Variants in SLC28A3 observed in about 807,000 individuals in gnomAD.
SLC28A3 encodes concentrative Na(+)-nucleoside cotransporter 3.
A neutral mutation model predicts 84.2 loss-of-function variants in SLC28A3; 68 were observed. That is an observed-to-expected ratio of 0.81 (90% CI 0.66 to 0.99). SLC28A3 has a LOEUF of 0.99. Among genes scored for constraint, SLC28A3 ranks in the 50% least tolerant of loss-of-function variants. The probability of loss-of-function intolerance (pLI) is 0.00; values close to 1 mark genes in which losing one functional copy is unlikely to be tolerated. For missense variants in SLC28A3, 712 were observed against 841.5 expected (o/e 0.85, Z 1.90); for synonymous variants, 267 against 303.6 (o/e 0.88, Z 1.25).
At chr9:84,319,200 C>T (rs550237005) in intron 1 of SLC28A3, among the ~76,000 whole-genome samples, 12 of 152,238 alleles carry the variant, frequency 7.9e-5, no homozygotes, top group South Asian at 2.1e-4. Context: ...TAGTTTATTA[C>T]TCACTGAAAT....
At chr9:84,331,776 T>A (rs1369476116) in intron 1 of SLC28A3, among the ~76,000 whole-genome samples, 2 of 152,176 alleles carry the variant, frequency 1.3e-5, no homozygotes, top group African/African-American at 2.4e-5. Flanking sequence ...TTAAAAAACA[T>A]TCCTGCATTT....
At chr9:84,299,503 C>T (rs956462113) in intron 6 of SLC28A3, 78 bp downstream of exon 6, 39 of 1,563,518 alleles carry the variant, frequency 2.5e-5, no homozygotes, top group Non-Finnish European at 3.2e-5. Flanking sequence ...GTTAAATTCT[C>T]TCACAATCAG....
At chr9:84,290,978 TC>T (rs1825196655) in intron 10 of SLC28A3, among the ~76,000 whole-genome samples, 1 of 152,184 alleles carries the variant, frequency 6.6e-6, no homozygotes, top group African/African-American at 2.4e-5. Flanking sequence ...AAGGCTTGAA[TC>T]CCATTAAGGA....
At chr9:84,286,196 C>G in intron 12 of SLC28A3, 85 bp from the exon 13 acceptor site, 1 of 1,353,800 alleles carries the variant, frequency 7.4e-7, no homozygotes, top group Non-Finnish European at 1.0e-6. Context: ...ATAATCAGAG[C>G]TTAGATAAGA....
Position 84,297,341 on chromosome 9 carries a change from A to T in SLC28A3, c.784-43T>A, listed in dbSNP as rs754233026. 5.3e-6 allele frequency: 8 copies of T among 1,500,958 alleles called. No individual in the cohort carries two copies. The South Asian group carries it at 8.1e-5, about 15-fold the overall frequency. The allele number at this position is 1,500,958 out of a possible 1,614,324, so 93.0% of individuals were successfully genotyped here. A position where few individuals can be genotyped will look rare whatever the true frequency, so the allele number is the denominator to read the frequency against. On this transcript the variant is annotated intron_variant, in intron 7 of 17. Coordinates refer to ENST00000376238, the MANE Select transcript of SLC28A3 (RefSeq NM_001199633.2). ...AAAGAGATTTCATTCCAACCACATG[A>T]CTGGAAATTAGACAGTGCACAGGAA...
chr9:84,354,922 TA>T, the SLC28A3 span, among the ~76,000 whole-genome samples: 1 of 150,242 alleles, frequency 6.7e-6, no homozygotes, highest in Admixed American at 6.6e-5. Context: ...AGGGAGAAAA[TA>T]AGCATTTATA....
At chr9:84,310,128 A>C (rs1240066614) in intron 2 of SLC28A3, among the ~76,000 whole-genome samples, 1 of 152,162 alleles carries the variant, frequency 6.6e-6, no homozygotes, top group Admixed American at 6.6e-5. Context: ...ACTGAGACCA[A>C]AGCTGGATTT....
chr9:84,305,935 G>T (rs1028981894), intron 3 of SLC28A3, among the ~76,000 whole-genome samples: 5 of 152,162 alleles, frequency 3.3e-5, no homozygotes, highest in Non-Finnish European at 7.3e-5. Context: ...AAGCTCTGGA[G>T]TTGTTGGAAT....
Position 84,288,034 on chromosome 9 carries a change from T to G in SLC28A3, c.1280+14A>C. 1 of 1,613,666 alleles carries G rather than the reference T, an allele frequency of 6.2e-7. No homozygotes were observed. The highest frequency in any genetic ancestry group is 8.5e-7 in the Non-Finnish European group (1 of 1,179,716). ...CTTGGGTAGTCATTAATTAGGTGAA[T>G]GTGTCACACTTACCCACTTTCCATT... is the stretch of plus-strand genomic sequence containing the variant. On this transcript the variant is annotated intron_variant, in intron 12 of 17. Transcript: ENST00000376238.
chr9:84,314,906 G>T (rs538282954), intron 1 of SLC28A3, among the ~76,000 whole-genome samples: 166 of 152,156 alleles, frequency 1.1e-3, no homozygotes, highest in Middle Eastern at 3.4e-3. Context: ...GTGAAACCCC[G>T]TCTCTACTAA....
chr9:84,291,146 G>A (rs1588571286), intron 10 of SLC28A3, among the ~76,000 whole-genome samples: 1 of 152,108 alleles, frequency 6.6e-6, no homozygotes, highest in Non-Finnish European at 1.5e-5. Flanking sequence ...GTGGAGCCTC[G>A]ATTTACCGAC....
chr9:84,331,361 C>T (rs1287666858), intron 1 of SLC28A3, among the ~76,000 whole-genome samples: 3 of 152,160 alleles, frequency 2.0e-5, no homozygotes, highest in African/African-American at 7.2e-5. Flanking sequence ...AAACAATATT[C>T]TTCTTCCCTA....
chr9:84,335,173 C>T (rs752077044), intron 1 of SLC28A3, among the ~76,000 whole-genome samples: 28 of 152,184 alleles, frequency 1.8e-4, no homozygotes, highest in Non-Finnish European at 3.7e-4. Flanking sequence ...CTGGAGTCAA[C>T]TTAATTTCAA....
chr9:84,335,730 TGTGTGTG>T (rs1428769105), intron 1 of SLC28A3, among the ~76,000 whole-genome samples: 1 of 151,942 alleles, frequency 6.6e-6, no homozygotes. Context: ...TGTGTGTGTG[TGTGTGTG>T]TGTGTGTATA....
At chr9:84,287,861 T>G (rs1825057819) in intron 12 of SLC28A3, among the ~76,000 whole-genome samples, 187 bp downstream of exon 12, 1 of 152,164 alleles carries the variant, frequency 6.6e-6, no homozygotes. Flanking sequence ...AAGTCTTTTT[T>G]GAGCAAGACT....
the SLC28A3 span, among the ~76,000 whole-genome samples, chr9:84,367,302 T>C: frequency 6.6e-6 from 1 of 152,222 alleles, no homozygotes; most frequent in Admixed American, 6.5e-5. Context: ...GGCTCCCCTC[T>C]GGCCCAGGGC....
chr9:84,297,442 C>A, intron 7 of SLC28A3, 144 bp from the exon 8 acceptor site: 1 of 627,420 alleles, frequency 1.6e-6, no homozygotes. Flanking sequence ...GCTTTGCCCC[C>A]TCCAATGAAT....
intron 1 of SLC28A3, among the ~76,000 whole-genome samples, chr9:84,330,289 A>C (rs1826730180): frequency 6.6e-6 from 1 of 152,210 alleles, no homozygotes; most frequent in Non-Finnish European, 1.5e-5. Context: ...CAAATAACTA[A>C]ATTCATGAAT....
chr9:84,338,453 T>C (rs1827054724), intron 1 of SLC28A3, among the ~76,000 whole-genome samples: 1 of 152,242 alleles, frequency 6.6e-6, no homozygotes, highest in African/African-American at 2.4e-5. Context: ...ATTTTGATTT[T>C]GAAATGTAGA....
Sources: allele counts gnomAD v4.1 joint callset (sites outside exome capture counted in the v4.1 genomes callset), GRCh38; gene constraint gnomAD v4.1.1; transcripts MANE v1.5; gene names NCBI Gene and HGNC (gene_info 2026-07-23, HGNC 2026-07-21).